CACNA1E: variants seen among roughly 807,000 people sequenced by gnomAD.
CACNA1E encodes calcium voltage-gated channel subunit alpha1 E.
In CACNA1E, 40 loss-of-function variants were observed where a neutral mutation model predicts 259.2. The ratio of observed to expected loss-of-function variants is 0.15; its 90% CI spans 0.12 to 0.20. The LOEUF (loss-of-function observed/expected upper bound fraction) is 0.20, where lower values mean the gene tolerates loss of function less well. Among genes scored for constraint, CACNA1E ranks in the 10% least tolerant of loss-of-function variants. The pLI is 1.00. For synonymous variants in CACNA1E, 1,104 were observed against 1,138.5 expected, an observed-to-expected ratio of 0.97 and a Z score of 0.61; for missense variants, 1,874 against 3,040.1, an observed-to-expected ratio of 0.62 and a Z score of 9.02.
At chr1:181,413,995 C>A (rs1263798564) in intron 2 of CACNA1E, among the ~76,000 whole-genome samples, 1 of 152,220 alleles carries the variant, frequency 6.6e-6, no homozygotes, top group East Asian at 1.9e-4. Flanking sequence ...TTAATATCCT[C>A]CTTGGATGAA....
intron 8 of CACNA1E, among the ~76,000 whole-genome samples, chr1:181,714,503 A>G (rs1318584473): frequency 2.0e-5 from 3 of 152,096 alleles, no homozygotes; most frequent in Non-Finnish European, 4.4e-5. Flanking sequence ...GCCATTGGCA[A>G]TTAAACTAAT....
chr1:181,581,897 T>C (rs1651581960), intron 6 of CACNA1E, among the ~76,000 whole-genome samples: 2 of 152,234 alleles, frequency 1.3e-5, no homozygotes, highest in South Asian at 4.1e-4. Flanking sequence ...TAGATCTTTT[T>C]AGCCTGATTC....
intron 34 of CACNA1E, among the ~76,000 whole-genome samples, chr1:181,765,092 C>T (rs554770365): frequency 6.6e-6 from 1 of 152,252 alleles, no homozygotes; most frequent in East Asian, 1.9e-4. Context: ...CAAAGACTAC[C>T]TCTGCAAATA....
chr1:181,335,924 G>T (rs1175667872), intron 1 of CACNA1E, among the ~76,000 whole-genome samples: 2 of 152,144 alleles, frequency 1.3e-5, no homozygotes, highest in East Asian at 3.9e-4. Context: ...GCCATATGGG[G>T]CCATAGAGAT....
At chr1:181,635,032 C>T (rs1252617433) in intron 6 of CACNA1E, among the ~76,000 whole-genome samples, 1 of 152,174 alleles carries the variant, frequency 6.6e-6, no homozygotes, top group Non-Finnish European at 1.5e-5. Context: ...AGAGGACACA[C>T]CCCAGCACCT....
intron 1 of CACNA1E, among the ~76,000 whole-genome samples, chr1:181,491,474 G>C (rs761597633): frequency 6.6e-6 from 1 of 152,232 alleles, no homozygotes; most frequent in Non-Finnish European, 1.5e-5. Flanking sequence ...ATCATGCTTT[G>C]AGAACCATTG....
chr1:181,459,867 T>C (rs568737434), intron 2 of CACNA1E, among the ~76,000 whole-genome samples: 37 of 152,294 alleles, frequency 2.4e-4, no homozygotes, highest in Non-Finnish European at 4.4e-4. Flanking sequence ...TGATGAACAT[T>C]TGATCAGTGA....
intron 7 of CACNA1E, among the ~76,000 whole-genome samples, chr1:181,704,219 G>T (rs1304315024): frequency 6.6e-6 from 1 of 152,110 alleles, no homozygotes; most frequent in Non-Finnish European, 1.5e-5. Context: ...CCTTCAGGAA[G>T]GTGTTTACCT....
At chr1:181,506,444 A>G (rs1028909511) in intron 1 of CACNA1E, among the ~76,000 whole-genome samples, 2 of 152,194 alleles carry the variant, frequency 1.3e-5, no homozygotes, top group African/African-American at 2.4e-5. Flanking sequence ...TGTCTTTGTA[A>G]TGGCTCCTTA....
In CACNA1E at chr1:181,716,102, G is replaced by A. The variant is rs78231578; in HGVS notation, c.1288G>A (p.Glu430Lys). 1 of 1,570,040 alleles carries A rather than the reference G, an allele frequency of 6.4e-7. No individual in the cohort carries two copies. ...GGCCATGACTCGAGACTCCAGTGAT[G>A]AGCACTGTGTTGATATCTCCTCTGT... ...TEAMTRDSSD[E>K]HCVDISSVGT... Residue 430 changes from glutamate (E) to lysine (K), a missense_variant, in exon 10 of 48, where the codon GAG (glutamate) becomes AAG (lysine). Physicochemically the swap from Glu to Lys is moderately conservative, Grantham distance 56. This residue lies in a region of CACNA1E where 157 missense variants were observed against 203.5 expected (regional missense o/e 0.77). Coordinates refer to ENST00000367573, the MANE Select transcript of CACNA1E (RefSeq NM_001205293.3).
At chr1:181,400,674 T>C (rs1195737452) in intron 1 of CACNA1E, among the ~76,000 whole-genome samples, 5 of 152,158 alleles carry the variant, frequency 3.3e-5, no homozygotes, top group African/African-American at 1.2e-4. Flanking sequence ...GAGAGCCTCC[T>C]GCACCACTCA....
intron 6 of CACNA1E, among the ~76,000 whole-genome samples, chr1:181,590,416 A>AAATAT (rs1553291053): frequency 8.6e-6 from 1 of 115,884 alleles, no homozygotes; most frequent in African/African-American, 3.7e-5. Flanking sequence ...AAAAAAAAAA[A>AAATAT]ATATATATAT....
intron 3 of CACNA1E, among the ~76,000 whole-genome samples, chr1:181,529,533 G>A (rs1667617850): frequency 6.6e-6 from 1 of 152,176 alleles, no homozygotes; most frequent in Non-Finnish European, 1.5e-5. Context: ...AAAAGCCGCA[G>A]ACACTCAACA....
chr1:181,674,223 C>CA (rs58198967), intron 7 of CACNA1E, among the ~76,000 whole-genome samples: 4,407 of 88,368 alleles, frequency 0.05, 116 homozygotes, highest in Admixed American at 0.089. Context: ...ACTAAAAATA[C>CA]AAAAAAAAAA....
rs780148290 is a variant in CACNA1E, at chr1:181,579,270, G to C, written c.769+46G>C. ...CTTCTCCTTTTCCCTTCTCCCCTCT[G>C]TTAACTGGGGTAATTTCAGGGCACT... On this transcript the variant is annotated intron_variant, in intron 5 of 47. Transcript: ENST00000367573. 15 of 1,501,184 alleles carry C rather than the reference G, an allele frequency of 1.0e-5. No individual in the cohort carries two copies. The East Asian group carries it at 3.0e-4, about 30-fold the overall frequency. The allele number at this position is 1,501,184 out of a possible 1,614,324, so 93.0% of individuals were successfully genotyped here. A position where few individuals can be genotyped will look rare whatever the true frequency, so the allele number is the denominator to read the frequency against.
chr1:181,748,487 T>TG (rs1321625786), intron 25 of CACNA1E, among the ~76,000 whole-genome samples: 1 of 152,202 alleles, frequency 6.6e-6, no homozygotes, highest in Admixed American at 6.5e-5. Flanking sequence ...GCATGACCTC[T>TG]GAGAACCTTT....
At chr1:181,502,680 T>A (rs2102573504) in intron 1 of CACNA1E, among the ~76,000 whole-genome samples, 1 of 152,246 alleles carries the variant, frequency 6.6e-6, no homozygotes, top group Non-Finnish European at 1.5e-5. Flanking sequence ...GGGCTGTTTT[T>A]GCTTGCTTGT....
intron 2 of CACNA1E, among the ~76,000 whole-genome samples, chr1:181,432,448 A>G (rs752081032): frequency 6.6e-6 from 1 of 152,090 alleles, no homozygotes; most frequent in Non-Finnish European, 1.5e-5. Context: ...TAATAAAAAT[A>G]AATAAATAAA....
chr1:181,628,911 T>A (rs1191326898), intron 6 of CACNA1E, among the ~76,000 whole-genome samples: 1 of 152,240 alleles, frequency 6.6e-6, no homozygotes, highest in African/African-American at 2.4e-5. Flanking sequence ...TCTTGCCTTT[T>A]TTTCTTTGCT....
Sources: allele counts gnomAD v4.1 joint callset (sites outside exome capture counted in the v4.1 genomes callset), GRCh38; gene constraint gnomAD v4.1.1; regional missense constraint gnomAD v4.1.1; transcripts MANE v1.5; gene names NCBI Gene and HGNC (gene_info 2026-07-23, HGNC 2026-07-21).